AIG1: variants seen among roughly 807,000 people sequenced by gnomAD.
The protein encoded by AIG1 is androgen induced 1.
AIG1 carries 23 observed loss-of-function variants against 31.4 expected under a neutral mutation model. The ratio of observed to expected loss-of-function variants is 0.73; its 90% CI spans 0.53 to 1.04. The LOEUF is 1.04. Ranked by LOEUF, AIG1 falls within the 50% of genes least tolerant of loss-of-function variation. AIG1 has a pLI of 0.00. For synonymous variants in AIG1, 100 were observed against 110.5 expected (o/e 0.90, Z 0.60); for missense variants, 274 against 295.0 (o/e 0.93, Z 0.52).
In AIG1 at chr6:143,258,686, AG is replaced by A; in HGVS notation, c.400-25423del. On this transcript the variant is annotated intron_variant, in intron 3 of 5. Transcript: ENST00000357847. This position sits in a 1 kb window ranked among gnomAD's most constrained non-coding sequence, Gnocchi z 4.7. ...AGACATTTTGAAGAGTATAAATGAAAGCTTAACTTGAAAATAATTTGAGGAA... is the reference window on the plus strand; with the variant it reads ...AGACATTTTGAAGAGTATAAATGAAACTTAACTTGAAAATAATTTGAGGAA... 6.6e-6 allele frequency among the ~76,000 whole-genome samples: 1 copy of A among 152,342 alleles called. No individual in the cohort carries two copies. The highest frequency in any genetic ancestry group is 3.4e-3 in the Middle Eastern group (1 of 294).
chr6:143,300,141 G>A (rs1293962643), intron 4 of AIG1, among the ~76,000 whole-genome samples: 1 of 152,154 alleles, frequency 6.6e-6, no homozygotes, highest in Non-Finnish European at 1.5e-5. Flanking sequence ...TCAGAAACAT[G>A]GATCTATGAG....
At chr6:143,206,918 G>A (rs2128611567) in intron 3 of AIG1, among the ~76,000 whole-genome samples, 1 of 152,300 alleles carries the variant, frequency 6.6e-6, no homozygotes, top group South Asian at 2.1e-4. Context: ...TTGATGTTTA[G>A]AGTGGAGATA....
upstream of AIG1, among the ~76,000 whole-genome samples, chr6:143,059,647 A>G (rs1275476552): frequency 1.3e-5 from 2 of 152,210 alleles, no homozygotes; most frequent in East Asian, 3.8e-4. Context: ...ATTTTAGTTT[A>G]GAGCTTGATT....
intron 1 of AIG1, among the ~76,000 whole-genome samples, chr6:143,121,969 G>T (rs1189881539): frequency 6.6e-6 from 1 of 152,028 alleles, no homozygotes; most frequent in Non-Finnish European, 1.5e-5. Flanking sequence ...TTTTGTTTAT[G>T]GTATTCTGGT....
intron 3 of AIG1, among the ~76,000 whole-genome samples, chr6:143,191,490 G>A (rs1487990617): frequency 6.6e-6 from 1 of 152,066 alleles, no homozygotes; most frequent in Non-Finnish European, 1.5e-5. Context: ...TTGTCAGTGG[G>A]ATTTTAAAGT....
At chr6:143,310,280 A>G (rs997970173) in intron 4 of AIG1, among the ~76,000 whole-genome samples, 4 of 151,964 alleles carry the variant, frequency 2.6e-5, no homozygotes, top group Admixed American at 6.6e-5. Context: ...AAAAATAGAA[A>G]TCATACCAAG....
intron 1 of AIG1, among the ~76,000 whole-genome samples, chr6:143,076,328 A>C (rs1047140314): frequency 6.6e-6 from 1 of 152,162 alleles, no homozygotes; most frequent in African/African-American, 2.4e-5. Context: ...TCTTATTCCT[A>C]GGTAAATATT....
intron 3 of AIG1, among the ~76,000 whole-genome samples, chr6:143,243,087 A>G (rs1444909813): frequency 6.6e-6 from 1 of 152,220 alleles, no homozygotes; most frequent in African/African-American, 2.4e-5. Context: ...AGATCAGGCT[A>G]GACGGTGTTT....
chr6:143,210,695 G>A (rs1407703611), intron 3 of AIG1, among the ~76,000 whole-genome samples: 1 of 152,166 alleles, frequency 6.6e-6, no homozygotes, highest in Non-Finnish European at 1.5e-5. Flanking sequence ...TTACTAAAGT[G>A]CCGTAAATCA....
chr6:143,113,818 A>G (rs1781501098), intron 1 of AIG1, among the ~76,000 whole-genome samples: 1 of 151,664 alleles, frequency 6.6e-6, no homozygotes, highest in African/African-American at 2.4e-5. Flanking sequence ...TCCGTCACCC[A>G]GGCTAGAGTG....
In AIG1 at chr6:143,292,838, G is replaced by A. The variant is rs1798148704; in HGVS notation, c.515+8613G>A. 6.6e-6 allele frequency among the ~76,000 whole-genome samples: 1 copy of A among 152,150 alleles called. No homozygotes were observed. Among genetic ancestry groups the A allele is most frequent in the South Asian group, 2.1e-4 (1 of 4,818 alleles). Reference sequence around the variant, plus strand: ...CACCTAACTGGCACTCAGTTCCAGTGGCCATTGTTGTTCTGTTTATACGCT... The same window carrying A: ...CACCTAACTGGCACTCAGTTCCAGTAGCCATTGTTGTTCTGTTTATACGCT... On this transcript the variant is annotated intron_variant, in intron 4 of 5. Coordinates refer to ENST00000357847, the MANE Select transcript of AIG1 (RefSeq NM_016108.4). This position sits in a 1 kb window ranked among gnomAD's most constrained non-coding sequence, Gnocchi z 4.9.
intron 3 of AIG1, among the ~76,000 whole-genome samples, chr6:143,259,022 T>C (rs1436124326): frequency 6.6e-6 from 1 of 152,208 alleles, no homozygotes; most frequent in Non-Finnish European, 1.5e-5. Flanking sequence ...CAGTGGATCC[T>C]CTTAGCCCAT....
chr6:143,230,596 A>T (rs4896626), intron 3 of AIG1, among the ~76,000 whole-genome samples: 92,249 of 149,792 alleles, frequency 0.62, 31,529 homozygotes, highest in East Asian at 0.95. Context: ...AACTGTTATA[A>T]ATTAAGAATA....
intron 1 of AIG1, among the ~76,000 whole-genome samples, chr6:143,094,992 G>A (rs1317506897): frequency 6.6e-6 from 1 of 152,138 alleles, no homozygotes; most frequent in Non-Finnish European, 1.5e-5. Flanking sequence ...GAAAAGGGGA[G>A]TGGATGAAAT....
At chr6:143,253,865 C>G (rs767161409) in intron 3 of AIG1, among the ~76,000 whole-genome samples, 1 of 152,086 alleles carries the variant, frequency 6.6e-6, no homozygotes, top group Non-Finnish European at 1.5e-5. Context: ...TTAGTAAAAA[C>G]GCCACCTCCT....
chr6:143,245,992 A>G (rs1431089913), intron 3 of AIG1, among the ~76,000 whole-genome samples: 1 of 152,124 alleles, frequency 6.6e-6, no homozygotes, highest in Non-Finnish European at 1.5e-5. Context: ...ATACACTAAC[A>G]CTAACAATAG....
Position 143,127,710 on chromosome 6 carries a change from CAG to C in AIG1, c.142-9122_142-9121del, listed in dbSNP as rs574623357. Among the ~76,000 whole-genome samples, 420 of 151,386 alleles carry C rather than the reference CAG, an allele frequency of 2.8e-3. 2 individuals are homozygous for C. Among genetic ancestry groups the C allele is most frequent in the Non-Finnish European group, 4.8e-3 (329 of 67,858 alleles). ...GACCTTTCTTGTTTTTTTTTTGAGA[CAG>C]AGTCTTGCTGTATCATCAAGGCTGG... On this transcript the variant is annotated intron_variant, in intron 1 of 5. Transcript: ENST00000357847.
intron 2 of AIG1, among the ~76,000 whole-genome samples, chr6:143,146,188 C>G (rs1450524059): frequency 6.6e-6 from 1 of 152,004 alleles, no homozygotes; most frequent in Non-Finnish European, 1.5e-5. Flanking sequence ...AGAGTTCCTA[C>G]TCTCTCTGGG....
intron 4 of AIG1, among the ~76,000 whole-genome samples, chr6:143,307,638 C>T (rs1038385136): frequency 3.4e-5 from 5 of 146,346 alleles, no homozygotes; most frequent in South Asian, 2.1e-4. Context: ...TTAGGCTGCT[C>T]GGGGGTCAGG....
Sources: gnomAD v4.1 joint callset for allele counts (sites outside exome capture counted in the v4.1 genomes callset) on GRCh38, gnomAD v4.1.1 for gene constraint, Gnocchi (gnomAD v3.1) non-coding constraint, MANE v1.5 for transcripts, NCBI Gene and HGNC (gene_info 2026-07-23, HGNC 2026-07-21) for gene names.